The following NDUFAF6 variants were observed in gnomAD, a reference collection of about 807,000 sequenced individuals.
The protein encoded by NDUFAF6 is NADH dehydrogenase (ubiquinone) complex I, assembly factor 6.
Under a neutral mutation model 40.8 loss-of-function variants are expected in NDUFAF6, and 45 were observed. That is an observed-to-expected ratio of 1.10 (90% CI 0.87 to 1.42). The LOEUF (loss-of-function observed/expected upper bound fraction) is 1.42. Among genes scored for constraint, NDUFAF6 ranks in the 40% most tolerant of loss-of-function variants. NDUFAF6 has a pLI of 0.00. For synonymous variants in NDUFAF6, 185 were observed against 155.9 expected, an observed-to-expected ratio of 1.19 and a Z score of -1.39; for missense variants, 435 against 418.5, an observed-to-expected ratio of 1.04 and a Z score of -0.34.
At chr8:95,115,576 G>A (rs535784381) in exon 5 of NDUFAF6, 1 of 151,598 alleles carries the variant, frequency 6.6e-6, no homozygotes, top group South Asian at 2.1e-4. Context: ...ACACTGGTTG[G>A]AGCTCTCTTG....
chr8:94,913,709 A>C (rs1429665011), intron 1 of NDUFAF6, among the ~76,000 whole-genome samples: 1 of 152,210 alleles, frequency 6.6e-6, no homozygotes, highest in African/African-American at 2.4e-5. Context: ...TAAGGTGGGA[A>C]GATTGCTTGA....
intron 9 of NDUFAF6, among the ~76,000 whole-genome samples, chr8:95,065,257 G>A (rs1832674353): frequency 6.6e-6 from 1 of 152,170 alleles, no homozygotes; most frequent in Admixed American, 6.5e-5. Flanking sequence ...ATGGGAAATA[G>A]GGAGCAGTCT....
chr8:95,042,887 A>G (rs1276533378), intron 4 of NDUFAF6, among the ~76,000 whole-genome samples: 6 of 152,232 alleles, frequency 3.9e-5, no homozygotes, highest in Non-Finnish European at 7.3e-5. Context: ...CACTGGGGAA[A>G]GAACAGTCTT....
At chr8:95,063,288 G>C (rs1832615782), downstream of NDUFAF6, among the ~76,000 whole-genome samples, 1 of 152,084 alleles carries the variant, frequency 6.6e-6, no homozygotes, top group African/African-American at 2.4e-5. Context: ...TAACTCTGTG[G>C]GTTGACATTT....
intron 2 of NDUFAF6, among the ~76,000 whole-genome samples, chr8:94,982,551 T>C (rs568864180): frequency 6.6e-6 from 1 of 152,252 alleles, no homozygotes; most frequent in African/African-American, 2.4e-5. Flanking sequence ...CCTAGTTTGA[T>C]GAAACTATCT....
intron 1 of NDUFAF6, among the ~76,000 whole-genome samples, chr8:94,920,209 G>A (rs779227780): frequency 6.6e-6 from 1 of 152,008 alleles, no homozygotes; most frequent in Non-Finnish European, 1.5e-5. Context: ...GATATAACTC[G>A]GTGTCTTGGA....
intron 1 of NDUFAF6, chr8:94,930,834 T>A: frequency 1.6e-6 from 2 of 1,247,116 alleles, no homozygotes; most frequent in Non-Finnish European, 2.2e-6. Flanking sequence ...TGTTTATGGC[T>A]GAATGAGAGC....
chr8:95,025,078 C>G lies in NDUFAF6; in HGVS notation c.70C>G (p.Arg24Gly). Residue 24 changes from arginine to glycine, a missense_variant, in exon 1 of 9, where the codon CGG becomes GGG. Coordinates refer to ENST00000396124, the MANE Select transcript of NDUFAF6 (RefSeq NM_152416.4). Reference sequence around the variant, plus strand: ...TGGCATCCCCGGCCTGTGCTGCCGCCGGCCGCCTCTGGGTCTGTACGCGCG... The same window carrying G: ...TGGCATCCCCGGCCTGTGCTGCCGCGGGCCGCCTCTGGGTCTGTACGCGCG... ...RLGIPGLCCR[R>G]PPLGLYARMR... 1 of 1,449,604 alleles carries G rather than the reference C, an allele frequency of 6.9e-7. No homozygotes were observed. 89.8% of individuals were successfully genotyped at this position (1,449,604 alleles called of 1,614,324 possible). A position where few individuals can be genotyped will look rare whatever the true frequency, so the allele number is the denominator to read the frequency against.
chr8:95,117,380 A>T (rs1328277950), downstream of NDUFAF6, among the ~76,000 whole-genome samples: 1 of 152,206 alleles, frequency 6.6e-6, no homozygotes. Context: ...GACTTTAGTC[A>T]GCGATTATCA....
At chr8:95,062,134 C>T (rs1242278117), downstream of NDUFAF6, among the ~76,000 whole-genome samples, 1 of 150,670 alleles carries the variant, frequency 6.6e-6, no homozygotes, top group Non-Finnish European at 1.5e-5. Context: ...GCACTGCAGC[C>T]TGGGCGACAG....
At chr8:94,943,523 G>A (rs1821740342) in intron 1 of NDUFAF6, among the ~76,000 whole-genome samples, 1 of 152,114 alleles carries the variant, frequency 6.6e-6, no homozygotes, top group African/African-American at 2.4e-5. Flanking sequence ...ATCATCCAGG[G>A]CTGAAGAAAT....
chr8:95,093,340 C>T (rs1455531574), intron 2 of NDUFAF6, among the ~76,000 whole-genome samples: 1 of 152,144 alleles, frequency 6.6e-6, no homozygotes, highest in African/African-American at 2.4e-5. Context: ...CATTATCAGG[C>T]CCAAAGCAGC....
intron 2 of NDUFAF6, among the ~76,000 whole-genome samples, chr8:94,994,018 T>C (rs1270376701): frequency 6.6e-6 from 1 of 151,650 alleles, no homozygotes; most frequent in Non-Finnish European, 1.5e-5. Flanking sequence ...TGAGTAGGAG[T>C]AGTGAGGCAA....
At chr8:95,006,101 T>C (rs1238520579) in intron 2 of NDUFAF6, among the ~76,000 whole-genome samples, 1 of 152,092 alleles carries the variant, frequency 6.6e-6, no homozygotes, top group Non-Finnish European at 1.5e-5. Flanking sequence ...CTCACGCCTG[T>C]AATCTCAGCA....
At chr8:95,001,487 C>T (rs1826732316) in intron 2 of NDUFAF6, among the ~76,000 whole-genome samples, 2 of 152,234 alleles carry the variant, frequency 1.3e-5, no homozygotes, top group Non-Finnish European at 1.5e-5. Context: ...TGACATTCTG[C>T]TTAGAGGCCA....
intron 1 of NDUFAF6, among the ~76,000 whole-genome samples, chr8:94,965,308 G>A (rs1213831636): frequency 6.6e-6 from 1 of 152,218 alleles, no homozygotes; most frequent in Non-Finnish European, 1.5e-5. Context: ...TCAGGAAAGG[G>A]CCTGATCTGT....
At chr8:95,045,752 C>G in intron 5 of NDUFAF6, 105 bp downstream of exon 5, 1 of 813,406 alleles carries the variant, frequency 1.2e-6, no homozygotes, top group East Asian at 2.5e-5. Flanking sequence ...TAAAGCCTTC[C>G]TTTATACTAT....
chr8:94,949,734 C>A (rs1326738330), intron 2 of NDUFAF6, among the ~76,000 whole-genome samples: 2 of 152,120 alleles, frequency 1.3e-5, no homozygotes, highest in Non-Finnish European at 2.9e-5. Flanking sequence ...AGAGGTGGAT[C>A]TCTCCCTCAG....
intron 1 of NDUFAF6, among the ~76,000 whole-genome samples, chr8:94,966,254 T>G (rs776256909): frequency 1.1e-4 from 17 of 152,118 alleles, no homozygotes; most frequent in Non-Finnish European, 2.4e-4. Flanking sequence ...GGACTTCACA[T>G]GTAAGGCTTA....
Sources: allele counts gnomAD v4.1 joint callset (sites outside exome capture counted in the v4.1 genomes callset), GRCh38; gene constraint gnomAD v4.1.1; transcripts MANE v1.5; gene names NCBI Gene and HGNC (gene_info 2026-07-23, HGNC 2026-07-21).